Variants in GSTM3 observed in about 807,000 individuals in gnomAD.
GSTM3 encodes the protein glutathione S-transferase mu 3.
GSTM3 carries 34 observed loss-of-function variants against 36.1 expected under a neutral mutation model. The ratio of observed to expected loss-of-function variants is 0.94; its 90% confidence interval spans 0.72 to 1.25. The LOEUF is 1.25. GSTM3 is among the 50% of genes most tolerant of loss of function. GSTM3 has a pLI of 0.00. For synonymous variants in GSTM3, 102 were observed against 99.5 expected (o/e 1.03, Z -0.15); for missense variants, 266 against 281.6 (o/e 0.94, Z 0.40).
Position 109,736,924 on chromosome 1 carries a change from C to T in GSTM3, c.*147G>A. ...CATATCTTGATGATTCTCCACATAT[C>T]CTTTTTCCCTTTTAGCCTTTATACC... On this transcript the variant is annotated 3_prime_UTR_variant, in exon 9 of 9. Transcript: ENST00000361066. 1.6e-6 allele frequency: 1 copy of T among 606,134 alleles called. No individual in the cohort carries two copies. The highest frequency in any genetic ancestry group is 2.0e-5 in the South Asian group (1 of 49,780). The allele number at this position is 606,134 out of a possible 1,614,324, so 37.5% of individuals were successfully genotyped here.
Position 109,740,440 on chromosome 1 carries a change from G to T in GSTM3, c.-153C>A, listed in dbSNP as rs146929924. 1.4e-5 allele frequency: 9 copies of T among 662,550 alleles called. No individual in the cohort carries two copies. The highest frequency in any genetic ancestry group is 2.3e-5 in the Non-Finnish European group (9 of 390,576). 41.0% of individuals were successfully genotyped at this position (662,550 alleles called of 1,614,324 possible). A position where few individuals can be genotyped will look rare whatever the true frequency, so the allele number is the denominator to read the frequency against. ...TGCCTCCGCGGCTCCACAGGGCCGT[G>T]CGCAGGCGCGACTAATGCCGGCGTT... On this transcript the variant is annotated 5_prime_UTR_variant, in exon 2 of 9. Transcript: ENST00000361066.
rs1289716224 is a variant in GSTM3 at position 109,734,978 on chromosome 1, C to T, written c.*2093G>A. 6.6e-6 allele frequency: 1 copy of T among 152,278 alleles called. No individual in the cohort carries two copies. Among genetic ancestry groups the T allele is most frequent in the Non-Finnish European group, 1.5e-5 (1 of 68,042 alleles). 9.4% of individuals were successfully genotyped at this position (152,278 alleles called of 1,614,324 possible). ...CAGGAGTCAGTGTTTCTTAAGTTTG[C>T]TTTCTTTTCTAAAAACTAGTTTCTA... On this transcript the variant is annotated 3_prime_UTR_variant, in exon 9 of 9. Coordinates refer to ENST00000361066, the MANE Select transcript of GSTM3 (RefSeq NM_000849.5).
In GSTM3 at chr1:109,735,131, T is replaced by C. The variant is rs1649163000; in HGVS notation, c.*1940A>G. ...TCCCACTTGCCTGCAGTAAGACTGTTATGAGTTTGGTGTTTCCCTCCAGAC... is the reference window on the plus strand; with the variant it reads ...TCCCACTTGCCTGCAGTAAGACTGTCATGAGTTTGGTGTTTCCCTCCAGAC... On this transcript the variant is annotated 3_prime_UTR_variant, in exon 9 of 9. Coordinates refer to ENST00000361066, the MANE Select transcript of GSTM3 (RefSeq NM_000849.5). 6.6e-6 allele frequency: 1 copy of C among 152,216 alleles called. No homozygotes were observed. 9.4% of individuals were successfully genotyped at this position (152,216 alleles called of 1,614,324 possible). A position where few individuals can be genotyped will look rare whatever the true frequency, so the allele number is the denominator to read the frequency against.
In GSTM3 at chr1:109,739,492, A is replaced by G. The variant is rs1208944570; in HGVS notation, c.126T>C (p.Ala42=). ...YEEKRYTCGE[A]PDYDRSQWLD... is the part of the protein sequence containing the mutation. ...GCCATTGGCTTCGATCATAGTCAGG[A>G]GCTGTAAGAGACGGAATTAAGTGGG... Residue 42 remains alanine (A), a splice_region_variant and synonymous_variant, in exon 4 of 9, where the codon GCT becomes GCC. Transcript: ENST00000361066. 6.2e-7 allele frequency: 1 copy of G among 1,611,400 alleles called. No homozygotes were observed. The highest frequency in any genetic ancestry group is 8.5e-7 in the Non-Finnish European group (1 of 1,177,838).
rs369740367 is a variant in GSTM3 at position 109,740,295 on chromosome 1, G to T, written c.-8C>A. 14 of 1,612,840 alleles carry T rather than the reference G, an allele frequency of 8.7e-6. No homozygotes were observed. The highest frequency in any genetic ancestry group is 3.3e-5 in the Admixed American group (2 of 59,940). On this transcript the variant is annotated 5_prime_UTR_variant, in exon 2 of 9. Coordinates refer to ENST00000361066, the MANE Select transcript of GSTM3 (RefSeq NM_000849.5). ...AGACGACTCGCACGACATGGTGACG[G>T]GCTTCCGAGCCTTCGAGGACTAGGG...
Position 109,740,289 on chromosome 1 carries a change from G to C in GSTM3, c.-2C>G, listed in dbSNP as rs774505366. 3.1e-6 allele frequency: 5 copies of C among 1,613,324 alleles called. No individual in the cohort carries two copies. The highest frequency in any genetic ancestry group is 2.2e-5 in the East Asian group (1 of 44,864). On this transcript the variant is annotated 5_prime_UTR_variant, in exon 2 of 9. Transcript: ENST00000361066. Reference sequence around the variant, plus strand: ...AACCATAGACGACTCGCACGACATGGTGACGGGCTTCCGAGCCTTCGAGGA... The same window carrying C: ...AACCATAGACGACTCGCACGACATGCTGACGGGCTTCCGAGCCTTCGAGGA...
chr1:109,739,351 A>G, intron 4 of GSTM3, 78 bp downstream of exon 4: 1 of 941,040 alleles, frequency 1.1e-6, no homozygotes, highest in African/African-American at 1.6e-5. Context: ...ATCCTTCTGT[A>G]CCAGGCAGGA....
At chr1:109,740,200 C>G (rs1432392827) in intron 2 of GSTM3, 40 bp downstream of exon 2, 1 of 1,585,716 alleles carries the variant, frequency 6.3e-7, no homozygotes, top group African/African-American at 1.3e-5. Flanking sequence ...CCGCGTCAGT[C>G]TCTTTGACCG....
At chr1:109,740,151 G>T in intron 2 of GSTM3, 89 bp downstream of exon 2, 1 of 1,205,766 alleles carries the variant, frequency 8.3e-7, no homozygotes, top group Non-Finnish European at 1.2e-6. Flanking sequence ...GCGTAGAGCT[G>T]CTCCTGCTGG....
chr1:109,737,925 A>G (rs572156605), intron 6 of GSTM3, among the ~76,000 whole-genome samples, 166 bp downstream of exon 6: 3 of 152,332 alleles, frequency 2.0e-5, no homozygotes, highest in Admixed American at 2.0e-4. Flanking sequence ...CAGCACCAGA[A>G]TTACATGACA....
intron 2 of GSTM3, 116 bp downstream of exon 2, chr1:109,740,124 A>G (rs900042000): frequency 2.9e-6 from 3 of 1,030,480 alleles, no homozygotes; most frequent in Non-Finnish European, 1.5e-6. Flanking sequence ...GTGGCTCGGC[A>G]GCTCGAAAAG....
intron 1 of GSTM3, among the ~76,000 whole-genome samples, 170 bp from the exon 2 acceptor site, chr1:109,740,681 GC>G (rs1277371052): frequency 6.6e-6 from 1 of 152,240 alleles, no homozygotes; most frequent in Admixed American, 6.5e-5. Context: ...TACCGAGCCA[GC>G]CGGGGCTGGA....
intron 1 of GSTM3, among the ~76,000 whole-genome samples, 181 bp from the exon 2 acceptor site, chr1:109,740,692 A>T (rs1372188068): frequency 6.6e-6 from 1 of 152,188 alleles, no homozygotes; most frequent in East Asian, 1.9e-4. Context: ...CCGGGGCTGG[A>T]TGAAGGATAG....
chr1:109,739,359 G>T, intron 4 of GSTM3, 70 bp downstream of exon 4: 1 of 1,040,900 alleles, frequency 9.6e-7, no homozygotes, highest in Non-Finnish European at 1.5e-6. Flanking sequence ...GTACCAGGCA[G>T]GAGAGAGGCA....
At position 109,737,108 on chromosome 1, in the gene GSTM3, T is replaced by G. The variant is rs1206052920; in HGVS notation, c.641A>C (p.Asn214Thr). ...SDQFCKMPIN[N>T]KMAQWGNKPV... is the part of the protein sequence containing the mutation. ...CTTGTTGCCCCACTGGGCCATCTTG[T>G]TGTTGATGGGCATCTTGCAGAACTG... The change falls in exon 9 of 9, where the codon AAC (asparagine) becomes ACC (threonine). Residue 214 changes from asparagine (N) to threonine (T), a missense_variant. Asn to Thr is a moderately conservative substitution (Grantham distance 65). Transcript: ENST00000361066. The G allele has an allele frequency of 1.9e-6, 3 of 1,613,700 alleles. No homozygotes were observed. Among genetic ancestry groups the G allele is most frequent in the Non-Finnish European group, 2.5e-6 (3 of 1,179,552 alleles).
chr1:109,737,899 T>C (rs557469045), intron 6 of GSTM3, 148 bp from the exon 7 acceptor site: 625 of 693,626 alleles, frequency 9.0e-4, no homozygotes, highest in Non-Finnish European at 1.2e-3. Context: ...AAGAGGAGTT[T>C]AGAAAGAAGA....
chr1:109,739,522 AACCTCCTTAAT>A, intron 3 of GSTM3, 29 bp from the exon 4 acceptor site: 2 of 1,539,520 alleles, frequency 1.3e-6, no homozygotes, highest in Non-Finnish European at 1.8e-6. Context: ...AGTGGGACCC[AACCTCCTTAAT>A]ACCCCACCTG....
At position 109,740,509 on chromosome 1, in the gene GSTM3, G is replaced by C. The variant is rs1649350770; in HGVS notation, c.-222C>G. 1 of 585,646 alleles carries C rather than the reference G, an allele frequency of 1.7e-6. No individual in the cohort carries two copies. The highest frequency in any genetic ancestry group is 2.0e-5 in the South Asian group (1 of 49,922). 36.3% of individuals were successfully genotyped at this position (585,646 alleles called of 1,614,324 possible). A position where few individuals can be genotyped will look rare whatever the true frequency, so the allele number is the denominator to read the frequency against. On this transcript the variant is annotated splice_region_variant and 5_prime_UTR_variant, in exon 2 of 9. Coordinates refer to ENST00000361066, the MANE Select transcript of GSTM3 (RefSeq NM_000849.5). ...ACCCCGAGGCGGGACCCGGGCAGGA[G>C]TGCTGCAGGAGAGCAAAGGACCCGA... is the stretch of plus-strand genomic sequence containing the variant.
Position 109,737,450 on chromosome 1 carries a change from A to G in GSTM3, c.579+7T>C, listed in dbSNP as rs774034702. The G allele has an allele frequency of 9.1e-6, 14 of 1,542,012 alleles. No homozygotes were observed. The Admixed American group carries it at 1.7e-4, about 18-fold the overall frequency. ...TTTTTATAAGAGAAAGGTGCAGGAA[A>G]CGTCACCTCAAAACGGCACATGAAA... On this transcript the variant is annotated splice_region_variant and intron_variant, in intron 8 of 8. Coordinates refer to ENST00000361066, the MANE Select transcript of GSTM3 (RefSeq NM_000849.5).
Sources: gnomAD v4.1 joint callset for allele counts (sites outside exome capture counted in the v4.1 genomes callset) on GRCh38, gnomAD v4.1.1 for gene constraint, MANE v1.5 for transcripts, NCBI Gene and HGNC (gene_info 2026-07-23, HGNC 2026-07-21) for gene names.